The following HHAT variants were observed in gnomAD, a reference collection of about 807,000 sequenced individuals.
The protein encoded by HHAT is protein-cysteine N-palmitoyltransferase HHAT.
Under a neutral mutation model 70.8 loss-of-function variants are expected in HHAT, and 47 were observed. That is an observed-to-expected ratio of 0.66 (90% CI 0.53 to 0.85). The LOEUF is 0.85. Among genes scored for constraint, HHAT ranks in the 40% least tolerant of loss-of-function variants. The pLI is 0.00. For synonymous variants in HHAT, 228 were observed against 247.6 expected (o/e 0.92, Z 0.74); for missense variants, 609 against 604.8 (o/e 1.01, Z -0.07).
At chr1:210,464,164 A>G (rs906318745) in intron 7 of HHAT, among the ~76,000 whole-genome samples, 3 of 150,748 alleles carry the variant, frequency 2.0e-5, no homozygotes, top group African/African-American at 7.3e-5. Context: ...TGTACCCATT[A>G]TCATGTAGGT....
At chr1:210,577,083 T>G (rs1033455035) in intron 9 of HHAT, among the ~76,000 whole-genome samples, 3 of 151,952 alleles carry the variant, frequency 2.0e-5, no homozygotes, top group African/African-American at 7.2e-5. Flanking sequence ...GTTTTTTTTT[T>G]GCAGTCTTTA....
intron 7 of HHAT, among the ~76,000 whole-genome samples, chr1:210,453,426 T>C (rs971110782): frequency 2.6e-5 from 4 of 152,218 alleles, no homozygotes; most frequent in African/African-American, 4.8e-5. Flanking sequence ...GCTTGCAGAA[T>C]GGAAGAGATG....
At chr1:210,516,355 A>G (rs2095057119) in intron 9 of HHAT, among the ~76,000 whole-genome samples, 1 of 152,284 alleles carries the variant, frequency 6.6e-6, no homozygotes, top group African/African-American at 2.4e-5. Flanking sequence ...GAACTCTTGT[A>G]TTTAGCCACC....
chr1:210,457,774 T>C (rs1397996029), intron 7 of HHAT, among the ~76,000 whole-genome samples: 1 of 152,140 alleles, frequency 6.6e-6, no homozygotes, highest in Non-Finnish European at 1.5e-5. Context: ...CAAAAGGTGA[T>C]CTCATACTAC....
At chr1:210,636,929 G>A (rs1176885069) in intron 11 of HHAT, among the ~76,000 whole-genome samples, 2 of 152,148 alleles carry the variant, frequency 1.3e-5, no homozygotes, top group Admixed American at 6.5e-5. Flanking sequence ...GATGGTAGTG[G>A]AGGACTCTGG....
intron 9 of HHAT, among the ~76,000 whole-genome samples, chr1:210,527,447 C>A (rs564367364): frequency 2.0e-5 from 3 of 152,114 alleles, no homozygotes; most frequent in Non-Finnish European, 4.4e-5. Flanking sequence ...TTTCGAGGAC[C>A]AAATAACATA....
At chr1:210,371,461 T>C (rs989333473) in intron 3 of HHAT, among the ~76,000 whole-genome samples, 1 of 152,158 alleles carries the variant, frequency 6.6e-6, no homozygotes, top group Non-Finnish European at 1.5e-5. Context: ...AATCCATGGG[T>C]TTCTTGCCCC....
intron 1 of HHAT, among the ~76,000 whole-genome samples, chr1:210,330,402 A>G (rs2084884832): frequency 6.6e-6 from 1 of 152,230 alleles, no homozygotes; most frequent in African/African-American, 2.4e-5. Flanking sequence ...TTTTCACAGT[A>G]GGATAGAGAA....
intron 1 of HHAT, 64 bp downstream of exon 1, chr1:210,329,168 T>A: frequency 8.0e-7 from 1 of 1,245,320 alleles, no homozygotes; most frequent in African/African-American, 1.6e-5. Flanking sequence ...TGCGTCAGTT[T>A]ACTCTGTTAA....
At chr1:210,453,165 G>C (rs1286671564) in intron 7 of HHAT, among the ~76,000 whole-genome samples, 1 of 151,952 alleles carries the variant, frequency 6.6e-6, no homozygotes, top group Non-Finnish European at 1.5e-5. Context: ...TTTGAAAGCT[G>C]GGGAGACAAA....
chr1:210,538,337 C>CA (rs2095395523), intron 9 of HHAT, among the ~76,000 whole-genome samples: 1 of 151,976 alleles, frequency 6.6e-6, no homozygotes. Flanking sequence ...GTAAGGGACT[C>CA]ATCACTCCAA....
At chr1:210,588,879 TAAG>T (rs1661064763) in intron 10 of HHAT, 1 of 152,200 alleles carries the variant, frequency 6.6e-6, no homozygotes, top group African/African-American at 2.4e-5. Context: ...CTAAGGTTTT[TAAG>T]AAGCAGTTCA....
chr1:210,645,370 C>T (rs1345396093), intron 11 of HHAT, among the ~76,000 whole-genome samples: 1 of 152,184 alleles, frequency 6.6e-6, no homozygotes. Context: ...CTCTGCCCCC[C>T]GGGTTCACGC....
intron 9 of HHAT, among the ~76,000 whole-genome samples, chr1:210,522,839 C>T (rs1004813484): frequency 2.0e-5 from 3 of 152,024 alleles, no homozygotes; most frequent in African/African-American, 7.2e-5. Context: ...CTCTTTCTAC[C>T]CATAACTTTA....
Position 210,418,221 on chromosome 1 carries a change from T to G in HHAT, c.752T>G (p.Leu251Arg). Residue 251 changes from leucine (L) to arginine (R), a missense_variant, in exon 7 of 12, where the codon CTT (leucine) becomes CGT (arginine). Leu to Arg is a moderately radical substitution (Grantham distance 102, BLOSUM62 -2). Transcript: ENST00000261458. ...GTCCTGGCCCTGGGGCTGGGCCGCC[T>G]TCTTTGCTGGTGGTGGCTGGCCGAG... ...LCVLALGLGR[L>R]LCWWWLAELM... The G allele has an allele frequency of 6.2e-7, 1 of 1,614,146 alleles. No individual in the cohort carries two copies. Among genetic ancestry groups the G allele is most frequent in the Non-Finnish European group, 8.5e-7 (1 of 1,180,000 alleles).
At chr1:210,341,428 A>G (rs1258472158) in intron 1 of HHAT, among the ~76,000 whole-genome samples, 1 of 152,190 alleles carries the variant, frequency 6.6e-6, no homozygotes, top group Non-Finnish European at 1.5e-5. Flanking sequence ...ATGTTTATGT[A>G]TGTTTCAGGC....
intron 2 of HHAT, among the ~76,000 whole-genome samples, chr1:210,356,541 A>C (rs555655072): frequency 6.6e-6 from 1 of 152,054 alleles, no homozygotes; most frequent in Non-Finnish European, 1.5e-5. Context: ...TTGTTTTTAT[A>C]TAGTTGTTCT....
intron 1 of HHAT, chr1:210,329,368 C>G (rs918131385): frequency 2.0e-5 from 24 of 1,176,978 alleles, no homozygotes; most frequent in Middle Eastern, 3.4e-4. Context: ...CCCACGTCCT[C>G]TCTCCTTGGC....
rs1261856017 is a variant in HHAT at position 210,365,316 on chromosome 1, T to TTTTTTG, written c.159+2402_159+2403insGTTTTT. Among the ~76,000 whole-genome samples the TTTTTTG allele has an allele frequency of 4.2e-4, 44 of 105,466 alleles. 2 individuals carry two copies. Among genetic ancestry groups the TTTTTTG allele is most frequent in the Non-Finnish European group, 6.4e-4 (30 of 47,068 alleles). 69.2% of individuals were successfully genotyped at this position (105,466 alleles called of 152,430 possible). ...ACCTCAGTACTGCTGACAGTTTTTT[T>TTTTTTG]TTTTTTTTTTTTTTTTTTGAGACGG... On this transcript the variant is annotated intron_variant, in intron 3 of 11. Transcript: ENST00000261458.
Sources: gnomAD v4.1 joint callset for allele counts (sites outside exome capture counted in the v4.1 genomes callset) on GRCh38, gnomAD v4.1.1 for gene constraint, MANE v1.5 for transcripts, NCBI Gene and HGNC (gene_info 2026-07-23, HGNC 2026-07-21) for gene names.